The following ICA1L variants were observed in gnomAD, a reference collection of about 807,000 sequenced individuals.
ICA1L encodes the protein islet cell autoantigen 1 like, also known as islet cell autoantigen 1-like protein.
A neutral mutation model predicts 61.3 loss-of-function variants in ICA1L; 50 were observed. The observed-to-expected ratio is 0.82, with a 90% confidence interval of 0.65 to 1.03. The LOEUF is 1.03. Ranked by LOEUF, ICA1L falls within the 50% of genes least tolerant of loss-of-function variation. The pLI is 0.00. For missense variants in ICA1L, 508 were observed against 556.7 expected, an observed-to-expected ratio of 0.91 and a Z score of 0.88; for synonymous variants, 161 against 191.3, an observed-to-expected ratio of 0.84 and a Z score of 1.31.
intron 2 of ICA1L, 23 bp downstream of exon 2, chr2:202,828,825 A>G (rs1693923230): frequency 6.2e-7 from 1 of 1,603,636 alleles, no homozygotes; most frequent in African/African-American, 1.3e-5. Context: ...GTTATATGCA[A>G]TACATAGAAT....
chr2:202,845,278 C>G (rs1278660396), intron 1 of ICA1L, among the ~76,000 whole-genome samples: 1 of 152,148 alleles, frequency 6.6e-6, no homozygotes, highest in African/African-American at 2.4e-5. Flanking sequence ...ACTACAGCCT[C>G]TATCAGTTTT....
chr2:202,784,356 A>G (rs181712037), intron 12 of ICA1L, among the ~76,000 whole-genome samples: 110 of 152,248 alleles, frequency 7.2e-4, no homozygotes, highest in African/African-American at 2.6e-3. Flanking sequence ...GAGGCAGGAG[A>G]ATCACTTGAA....
chr2:202,791,894 A>T (rs1237106568), intron 10 of ICA1L, among the ~76,000 whole-genome samples: 2 of 151,892 alleles, frequency 1.3e-5, no homozygotes, highest in East Asian at 3.9e-4. Flanking sequence ...TATACCAGGC[A>T]CGGTGGCTCA....
chr2:202,810,182 G>A (rs947970208), intron 9 of ICA1L, among the ~76,000 whole-genome samples: 2 of 152,240 alleles, frequency 1.3e-5, no homozygotes, highest in African/African-American at 2.4e-5. Flanking sequence ...CCAGGAGAAA[G>A]TGGGATGACA....
chr2:202,830,364 C>T (rs1388642918), intron 1 of ICA1L, among the ~76,000 whole-genome samples: 5 of 152,092 alleles, frequency 3.3e-5, no homozygotes, highest in Admixed American at 6.5e-5. Flanking sequence ...GCCAAGATCA[C>T]GCCACTGCAC....
At position 202,828,732 on chromosome 2, in the gene ICA1L, A is replaced by G. The variant is rs371813100; in HGVS notation, c.162+116T>C. The G allele has an allele frequency of 1.2e-5, 10 of 806,506 alleles. No homozygotes were observed. The East Asian group carries it at 1.8e-4, about 15-fold the overall frequency. 50.0% of individuals were successfully genotyped at this position (806,506 alleles called of 1,614,324 possible). On this transcript the variant is annotated intron_variant, in intron 2 of 12. Coordinates refer to ENST00000358299, the MANE Select transcript of ICA1L (RefSeq NM_001288622.3). ...ACAGATGGATACAACTAAACATTCTATTATCAAATTTGCATTTATCCTCAT... is the reference window on the plus strand; with the variant it reads ...ACAGATGGATACAACTAAACATTCTGTTATCAAATTTGCATTTATCCTCAT...
At chr2:202,827,120 G>A (rs1000024739) in intron 2 of ICA1L, among the ~76,000 whole-genome samples, 5 of 152,140 alleles carry the variant, frequency 3.3e-5, no homozygotes, top group Non-Finnish European at 7.3e-5. Context: ...AAGGCTGGGC[G>A]CGGTGGCTCA....
intron 2 of ICA1L, among the ~76,000 whole-genome samples, chr2:202,827,554 G>C (rs1693883892): frequency 6.6e-6 from 1 of 152,112 alleles, no homozygotes. Context: ...GAAAGTTCTT[G>C]ATTCCAAATA....
chr2:202,858,977 C>G (rs1338849212), intron 1 of ICA1L, among the ~76,000 whole-genome samples: 1 of 152,202 alleles, frequency 6.6e-6, no homozygotes, highest in Non-Finnish European at 1.5e-5. Flanking sequence ...ATGGCTATAT[C>G]ATATACATCA....
chr2:202,867,404 T>C (rs546050232), intron 1 of ICA1L, among the ~76,000 whole-genome samples: 1 of 152,306 alleles, frequency 6.6e-6, no homozygotes, highest in South Asian at 2.1e-4. Flanking sequence ...GCTCCCAGGC[T>C]ACAAACCTGT....
At chr2:202,867,846 G>A (rs1245562167) in intron 1 of ICA1L, among the ~76,000 whole-genome samples, 1 of 152,126 alleles carries the variant, frequency 6.6e-6, no homozygotes, top group East Asian at 1.9e-4. Flanking sequence ...TCCAGCAATT[G>A]TATTCTTATG....
chr2:202,800,431 G>C (rs989804448), intron 9 of ICA1L, among the ~76,000 whole-genome samples: 1 of 152,056 alleles, frequency 6.6e-6, no homozygotes, highest in African/African-American at 2.4e-5. Context: ...TTACTTCCAA[G>C]TTTTGAGCCT....
At chr2:202,843,646 T>C (rs1448717404) in intron 1 of ICA1L, among the ~76,000 whole-genome samples, 1 of 152,198 alleles carries the variant, frequency 6.6e-6, no homozygotes, top group East Asian at 1.9e-4. Flanking sequence ...GTGTCTGGGA[T>C]GCAGGGATCC....
At chr2:202,824,804 C>T (rs1412069937) in intron 3 of ICA1L, among the ~76,000 whole-genome samples, 1 of 152,068 alleles carries the variant, frequency 6.6e-6, no homozygotes, top group Admixed American at 6.6e-5. Context: ...TGAACAAGTC[C>T]AGGAGAGAAG....
intron 1 of ICA1L, among the ~76,000 whole-genome samples, chr2:202,843,871 T>G (rs1443039906): frequency 6.6e-6 from 1 of 152,220 alleles, no homozygotes; most frequent in Non-Finnish European, 1.5e-5. Context: ...CTGTATACTT[T>G]TGACAAATGG....
intron 1 of ICA1L, among the ~76,000 whole-genome samples, chr2:202,864,999 T>TA (rs1223454134): frequency 6.6e-6 from 1 of 151,376 alleles, no homozygotes; most frequent in Non-Finnish European, 1.5e-5. Flanking sequence ...CTGCCTCTAC[T>TA]AAAAAATACA....
chr2:202,839,432 G>T (rs1694248775), intron 1 of ICA1L, among the ~76,000 whole-genome samples: 1 of 148,844 alleles, frequency 6.7e-6, no homozygotes, highest in South Asian at 2.1e-4. Context: ...CTGGGAGGCA[G>T]AGCTTGCAGT....
Position 202,854,462 on chromosome 2 carries a change from C to T in ICA1L, c.-8+17157G>A, listed in dbSNP as rs1354935598. Among the ~76,000 whole-genome samples, 9 of 152,004 alleles carry T rather than the reference C, an allele frequency of 5.9e-5. 1 individual carries two copies. In the South Asian group the frequency reaches 6.2e-4, roughly 11 times the overall value. ...ATAGGGGGAGACTTTAACACCCCAC[C>T]GTCAATATGAGACAGATCAATGAGA... is the stretch of plus-strand genomic sequence containing the variant. On this transcript the variant is annotated intron_variant, in intron 1 of 12. Coordinates refer to ENST00000358299, the MANE Select transcript of ICA1L (RefSeq NM_001288622.3).
chr2:202,806,625 G>A (rs1024486371), intron 9 of ICA1L, among the ~76,000 whole-genome samples: 7 of 150,266 alleles, frequency 4.7e-5, no homozygotes, highest in African/African-American at 1.7e-4. Flanking sequence ...CGACGTGGCT[G>A]ACAGGAGTGA....
Sources: allele counts gnomAD v4.1 joint callset (sites outside exome capture counted in the v4.1 genomes callset), GRCh38; gene constraint gnomAD v4.1.1; transcripts MANE v1.5; gene names NCBI Gene and HGNC (gene_info 2026-07-23, HGNC 2026-07-21).